ACSM6: variants seen among roughly 807,000 people sequenced by gnomAD.
The protein encoded by ACSM6 is acyl-CoA synthetase medium chain family member 6.
Under a neutral mutation model 51.1 loss-of-function variants are expected in ACSM6, and 35 were observed. The ratio of observed to expected loss-of-function variants is 0.69; its 90% CI spans 0.52 to 0.91. ACSM6 has a LOEUF of 0.91. ACSM6 is among the 40% of genes least tolerant of loss of function. ACSM6 has a pLI of 0.00. For missense variants in ACSM6, 509 were observed against 584.1 expected (o/e 0.87, Z 1.32); for synonymous variants, 172 against 207.3 (o/e 0.83, Z 1.46).
At position 95,211,101 on chromosome 10, in the gene ACSM6, G is replaced by C. The variant is rs556546212; in HGVS notation, c.755+308G>C. On this transcript the variant is annotated intron_variant, in intron 5 of 10. Transcript: ENST00000341686. ...TTGTTTTTCTATGCTACCAGCACCA[G>C]GGTGAACAATTGTGTTGACCACTAT... 3.2e-4 allele frequency among the ~76,000 whole-genome samples: 49 copies of C among 152,288 alleles called. 1 individual carries two copies. Among genetic ancestry groups the C allele is most frequent in the Admixed American group, 2.9e-3 (44 of 15,294 alleles).
At chr10:95,201,553 T>A (rs759560103) in intron 2 of ACSM6, 1 of 454,682 alleles carries the variant, frequency 2.2e-6, no homozygotes, top group Non-Finnish European at 4.4e-6. Context: ...TATCCAATCA[T>A]CCACTGATGG....
intron 8 of ACSM6, among the ~76,000 whole-genome samples, chr10:95,215,857 T>C (rs1349538214): frequency 6.6e-6 from 1 of 152,200 alleles, no homozygotes; most frequent in Non-Finnish European, 1.5e-5. Context: ...CAACTTCTCA[T>C]GGTGTTCTCA....
chr10:95,225,426 T>C (rs991775947), intron 10 of ACSM6, 35 bp downstream of exon 10: 32 of 1,295,220 alleles, frequency 2.5e-5, no homozygotes, highest in Non-Finnish European at 3.3e-5. Context: ...AATACTTTCA[T>C]TGTTGCTACT....
intron 10 of ACSM6, chr10:95,226,051 G>C (rs2035034201): frequency 6.6e-6 from 1 of 152,122 alleles, no homozygotes; most frequent in Non-Finnish European, 1.5e-5. Flanking sequence ...TTTGCTTATG[G>C]GGGGAAACAT....
chr10:95,228,578 A>G, intron 10 of ACSM6, 66 bp from the exon 11 acceptor site: 1 of 1,499,430 alleles, frequency 6.7e-7, no homozygotes, highest in Non-Finnish European at 8.9e-7. Flanking sequence ...AGAGTGCTCA[A>G]TTCATATCAC....
At chr10:95,207,105 G>A (rs2034845103) in intron 3 of ACSM6, 103 bp from the exon 4 acceptor site, 1 of 1,081,872 alleles carries the variant, frequency 9.2e-7, no homozygotes, top group South Asian at 1.4e-5. Context: ...ACTCCTAAGA[G>A]AGAGGGTAAC....
intron 9 of ACSM6, among the ~76,000 whole-genome samples, chr10:95,221,746 A>G (rs2034997576): frequency 6.6e-6 from 1 of 152,252 alleles, no homozygotes; most frequent in Non-Finnish European, 1.5e-5. Context: ...TAGTAATCAA[A>G]AACCTTCCAA....
At chr10:95,195,053 G>A (rs2034712373) in intron 2 of ACSM6, among the ~76,000 whole-genome samples, 1 of 152,128 alleles carries the variant, frequency 6.6e-6, no homozygotes, top group South Asian at 2.1e-4. Flanking sequence ...ATAAAAGTTA[G>A]CTTTTATTAT....
At chr10:95,211,518 AGCAACAACG>A (rs1370229102) in intron 5 of ACSM6, among the ~76,000 whole-genome samples, 2 of 152,226 alleles carry the variant, frequency 1.3e-5, no homozygotes, top group African/African-American at 4.8e-5. Context: ...GACTCTCATA[AGCAACAACG>A]GCCAGTAGAT....
At chr10:95,212,659 C>T (rs1254316610) in intron 6 of ACSM6, among the ~76,000 whole-genome samples, 199 bp from the exon 7 acceptor site, 1 of 152,168 alleles carries the variant, frequency 6.6e-6, no homozygotes, top group East Asian at 1.9e-4. Flanking sequence ...CTCCTATGTT[C>T]ACAGAGCTAA....
At chr10:95,219,688 T>C (rs2034976633) in intron 8 of ACSM6, among the ~76,000 whole-genome samples, 1 of 152,216 alleles carries the variant, frequency 6.6e-6, no homozygotes. Flanking sequence ...TACATGTTCT[T>C]CTGTTCCCCT....
At chr10:95,221,928 A>G (rs1380772118) in intron 9 of ACSM6, among the ~76,000 whole-genome samples, 1 of 152,206 alleles carries the variant, frequency 6.6e-6, no homozygotes, top group Non-Finnish European at 1.5e-5. Context: ...CCTCAACACA[A>G]TAAAGGCCAT....
At position 95,194,684 on chromosome 10, in the gene ACSM6, C is replaced by T; in HGVS notation, c.192+7C>T. On this transcript the variant is annotated splice_region_variant and intron_variant, in intron 2 of 10. Transcript: ENST00000341686. The stretch of plus-strand genomic sequence containing the variant: ...GTGGTCCCAGCTGGAAAAGGTAAAA[C>T]TTGTTGTTTTCTACCTTGGAAACTT... The T allele has an allele frequency of 6.5e-7, 1 of 1,550,140 alleles. No individual in the cohort carries two copies. The highest frequency in any genetic ancestry group is 8.7e-7 in the Non-Finnish European group (1 of 1,145,886).
chr10:95,225,492 A>G (rs1564592759), intron 10 of ACSM6, 101 bp downstream of exon 10: 8 of 906,238 alleles, frequency 8.8e-6, no homozygotes, highest in Non-Finnish European at 1.1e-5. Context: ...CTTTTGTCCC[A>G]ATTTTTAATT....
chr10:95,211,882 T>C (rs1564589241), exon 6 of ACSM6: 1 of 1,602,822 alleles, frequency 6.2e-7, no homozygotes, highest in Non-Finnish European at 8.5e-7. Context: ...CTTTAGACGG[T>C]GGATGGATCT....
At chr10:95,195,035 AAC>A (rs2034712218) in intron 2 of ACSM6, among the ~76,000 whole-genome samples, 1 of 152,232 alleles carries the variant, frequency 6.6e-6, no homozygotes, top group Admixed American at 6.5e-5. Flanking sequence ...ACACCCTGAA[AAC>A]ACTCAATAAA....
intron 2 of ACSM6, among the ~76,000 whole-genome samples, chr10:95,197,815 C>G (rs200607634): frequency 6.6e-6 from 1 of 152,220 alleles, no homozygotes. Context: ...TCTCATCCCA[C>G]GAGGCCATAT....
chr10:95,198,484 C>T (rs998030210), intron 2 of ACSM6, among the ~76,000 whole-genome samples: 18 of 152,214 alleles, frequency 1.2e-4, no homozygotes, highest in African/African-American at 4.3e-4. Context: ...AACCCCATCT[C>T]TACTAAAGTA....
rs1242025400 is a variant in ACSM6 at position 95,200,306 on chromosome 10, A to G, written c.193-1679A>G. ...GGTGGGAATTGAACAATGAGCACAC[A>G]TGGACACAGGAAGGGGAACATCACA... On this transcript the variant is annotated intron_variant, in intron 2 of 10. Transcript: ENST00000341686. Among the ~76,000 whole-genome samples the G allele has an allele frequency of 2.4e-5, 3 of 124,630 alleles. No individual in the cohort carries two copies. The Admixed American group carries it at 3.1e-4, about 13-fold the overall frequency. 81.8% of individuals were successfully genotyped at this position (124,630 alleles called of 152,430 possible). A position where few individuals can be genotyped will look rare whatever the true frequency, so the allele number is the denominator to read the frequency against.
Sources: gnomAD v4.1 joint callset for allele counts (sites outside exome capture counted in the v4.1 genomes callset) on GRCh38, gnomAD v4.1.1 for gene constraint, MANE v1.5 for transcripts, NCBI Gene and HGNC (gene_info 2026-07-23, HGNC 2026-07-21) for gene names.